The following FBRSL1 variants were observed in gnomAD, a reference collection of about 807,000 sequenced individuals.
The protein encoded by FBRSL1 is fibrosin like 1, also known as fibrosin-1-like protein.
Under a neutral mutation model 89.6 loss-of-function variants are expected in FBRSL1, and 51 were observed. The observed-to-expected ratio is 0.57, with a 90% CI of 0.45 to 0.72. FBRSL1 has a LOEUF of 0.72. Ranked by LOEUF, FBRSL1 falls within the 30% of genes least tolerant of loss-of-function variation. FBRSL1 has a pLI of 0.00. For missense variants in FBRSL1, 1,618 were observed against 1,451.8 expected (o/e 1.11, Z -1.86); for synonymous variants, 779 against 681.1 (o/e 1.14, Z -2.24).
intron 4 of FBRSL1, among the ~76,000 whole-genome samples, chr12:132,547,743 T>C (rs4883519): frequency 0.42 from 64,602 of 152,072 alleles, 14,119 homozygotes; most frequent in African/African-American, 0.48. Context: ...CTTGTCCCCA[T>C]CGCTGGCTAG....
At chr12:132,501,153 C>T (rs1440453632) in intron 1 of FBRSL1, among the ~76,000 whole-genome samples, 2 of 152,222 alleles carry the variant, frequency 1.3e-5, no homozygotes, top group African/African-American at 4.8e-5. Context: ...ACTCTGCTCC[C>T]TGGGGCCCTG....
At position 132,570,068 on chromosome 12, in the gene FBRSL1, G is replaced by A. The variant is rs1359249386; in HGVS notation, c.834G>A (p.Pro278=). 3.8e-5 allele frequency: 56 copies of A among 1,491,822 alleles called. No homozygotes were observed. The highest frequency in any genetic ancestry group is 4.4e-5 in the Non-Finnish European group (50 of 1,128,228). The allele number at this position is 1,491,822 out of a possible 1,614,324, so 92.4% of individuals were successfully genotyped here. A position where few individuals can be genotyped will look rare whatever the true frequency, so the allele number is the denominator to read the frequency against. ...APHAAPCPGP[P]PGSRANPLVK... ...ATGCCGCGCCCTGCCCGGGGCCCCC[G>A]CCCGGCTCCCGCGCCAATCCCTTGG... is the stretch of plus-strand genomic sequence containing the variant. The change falls in exon 7 of 19, where the codon CCG becomes CCA. Residue 278 remains proline, a synonymous_variant. Coordinates refer to ENST00000680143, the MANE Select transcript of FBRSL1 (RefSeq NM_001367871.1).
At chr12:132,535,965 G>T (rs559681857) in intron 4 of FBRSL1, among the ~76,000 whole-genome samples, 1 of 151,566 alleles carries the variant, frequency 6.6e-6, no homozygotes, top group Non-Finnish European at 1.5e-5. Context: ...GTGAGCACAC[G>T]TGTGTCCATG....
chr12:132,491,181 A>G (rs1292453178), intron 1 of FBRSL1, among the ~76,000 whole-genome samples: 1 of 152,202 alleles, frequency 6.6e-6, no homozygotes, highest in South Asian at 2.1e-4. Flanking sequence ...TGTGGCCAGC[A>G]TATCGCTCTG....
chr12:132,512,195 C>T (rs1042237550), intron 2 of FBRSL1, among the ~76,000 whole-genome samples: 4 of 152,254 alleles, frequency 2.6e-5, no homozygotes, highest in Non-Finnish European at 4.4e-5. Context: ...CTGTGTGGGC[C>T]AGTGTGACAG....
intron 5 of FBRSL1, among the ~76,000 whole-genome samples, chr12:132,564,396 G>A (rs2039411405): frequency 9.1e-6 from 1 of 109,952 alleles, no homozygotes; most frequent in Non-Finnish European, 1.8e-5. Context: ...AACGTGTGCT[G>A]TGGCATGGGG....
intron 1 of FBRSL1, 44 bp downstream of exon 1, chr12:132,490,905 G>T: frequency 8.7e-7 from 1 of 1,152,882 alleles, no homozygotes. Context: ...GGCGAGAACG[G>T]GGCCCGGAGT....
intron 1 of FBRSL1, among the ~76,000 whole-genome samples, chr12:132,500,293 A>AG (rs2032759323): frequency 6.6e-6 from 1 of 151,902 alleles, no homozygotes; most frequent in African/African-American, 2.4e-5. Flanking sequence ...CCAGGCTTAC[A>AG]CCCCCACTGT....
intron 2 of FBRSL1, among the ~76,000 whole-genome samples, chr12:132,513,681 C>T (rs1230299517): frequency 1.3e-5 from 2 of 152,170 alleles, no homozygotes; most frequent in African/African-American, 4.8e-5. Context: ...CCTGCAGAGC[C>T]CACGGCAGAC....
intron 18 of FBRSL1, among the ~76,000 whole-genome samples, chr12:132,582,541 T>G (rs1404662676): frequency 6.6e-6 from 1 of 150,886 alleles, no homozygotes; most frequent in African/African-American, 2.4e-5. Context: ...CTCCCTGCGG[T>G]GGGGAGTGAA....
chr12:132,490,762 G>A lies in FBRSL1; in HGVS notation c.192G>A (p.Ala64=), dbSNP rs1451498465. 1 of 1,128,460 alleles carries A rather than the reference G, an allele frequency of 8.9e-7. No homozygotes were observed. The highest frequency in any genetic ancestry group is 5.1e-5 in the Admixed American group (1 of 19,726). The allele number at this position is 1,128,460 out of a possible 1,614,324, so 69.9% of individuals were successfully genotyped here. Residue 64 remains alanine, a synonymous_variant, in exon 1 of 19, where the codon GCG becomes GCA. Coordinates refer to ENST00000680143, the MANE Select transcript of FBRSL1 (RefSeq NM_001367871.1). ...PRGAAPAPRT[A]RPPRRRRRES... ...GCGCCGCCCCCGCGCCCCGCACCGC[G>A]CGTCCCCCGCGCCGCCGCCGCCGCG... is the stretch of plus-strand genomic sequence containing the variant.
chr12:132,571,271 C>G (rs2039990038), intron 9 of FBRSL1, 40 bp downstream of exon 9: 1 of 1,492,308 alleles, frequency 6.7e-7, no homozygotes, highest in Non-Finnish European at 9.0e-7. Flanking sequence ...CCGCGGCCAA[C>G]GTGCCTCTCT....
chr12:132,517,683 C>T (rs545147939), intron 2 of FBRSL1, among the ~76,000 whole-genome samples: 4 of 152,204 alleles, frequency 2.6e-5, no homozygotes, highest in East Asian at 1.9e-4. Context: ...CCTCTGGTGG[C>T]GTGTGCCTGA....
At chr12:132,552,210 C>G (rs968520346) in intron 5 of FBRSL1, 1 of 159,322 alleles carries the variant, frequency 6.3e-6, no homozygotes, top group Non-Finnish European at 1.4e-5. Flanking sequence ...TCCTCCACAC[C>G]CAGCCCCTCC....
Position 132,582,216 on chromosome 12 carries a change from C to T in FBRSL1, c.2151C>T (p.Ala717=), listed in dbSNP as rs1464145423. Residue 717 remains alanine, a synonymous_variant, in exon 18 of 19, where the codon GCC becomes GCT. Coordinates refer to ENST00000680143, the MANE Select transcript of FBRSL1 (RefSeq NM_001367871.1). ...PKSVDAERVS[A]LTNHDREPDN... is the part of the protein sequence containing the mutation. ...CCGTGGACGCGGAGCGGGTGTCAGC[C>T]CTGACCAACCATGACCGAGAGCCGG... The T allele has an allele frequency of 3.2e-6, 5 of 1,550,120 alleles. No individual in the cohort carries two copies. The highest frequency in any genetic ancestry group is 1.4e-5 in the African/African-American group (1 of 73,048).
At chr12:132,520,403 C>T (rs1236401953) in intron 2 of FBRSL1, among the ~76,000 whole-genome samples, 1 of 152,190 alleles carries the variant, frequency 6.6e-6, no homozygotes, top group Non-Finnish European at 1.5e-5. Context: ...CTCAGGTTGA[C>T]CCCGGAACTG....
chr12:132,583,832 A>C lies in FBRSL1; in HGVS notation c.*54A>C. The stretch of plus-strand genomic sequence containing the variant: ...GGAGCGCACCGCTGTCCGTCTCTCC[A>C]TCAGTTCCTAGAACTCAAGCACAGC... On this transcript the variant is annotated 3_prime_UTR_variant, in exon 19 of 19. Coordinates refer to ENST00000680143, the MANE Select transcript of FBRSL1 (RefSeq NM_001367871.1). The C allele has an allele frequency of 1.9e-6, 2 of 1,056,128 alleles. No individual in the cohort carries two copies. Among genetic ancestry groups the C allele is most frequent in the East Asian group, 7.7e-5 (2 of 26,126 alleles). 65.4% of individuals were successfully genotyped at this position (1,056,128 alleles called of 1,614,324 possible).
At chr12:132,559,124 T>C (rs1388639639) in intron 5 of FBRSL1, among the ~76,000 whole-genome samples, 2 of 152,256 alleles carry the variant, frequency 1.3e-5, no homozygotes, top group African/African-American at 4.8e-5. Flanking sequence ...ATCCGAGTTC[T>C]AGCGCCCCAC....
intron 2 of FBRSL1, among the ~76,000 whole-genome samples, chr12:132,523,808 T>C (rs1015143083): frequency 6.6e-6 from 1 of 152,100 alleles, no homozygotes; most frequent in Non-Finnish European, 1.5e-5. Context: ...TGGGAGACGA[T>C]GATGCATTCC....
Sources: gnomAD v4.1 joint callset for allele counts (sites outside exome capture counted in the v4.1 genomes callset) on GRCh38, gnomAD v4.1.1 for gene constraint, MANE v1.5 for transcripts, NCBI Gene and HGNC (gene_info 2026-07-23, HGNC 2026-07-21) for gene names.